ZFHX3: variants seen among roughly 807,000 people sequenced by gnomAD.
ZFHX3 encodes zinc finger homeobox protein 3.
ZFHX3 carries 42 observed loss-of-function variants against 279.1 expected under a neutral mutation model. The observed-to-expected ratio is 0.15, with a 90% confidence interval of 0.12 to 0.19. ZFHX3 has a LOEUF of 0.19. ZFHX3 is among the 10% of genes least tolerant of loss of function. The pLI is 1.00. For synonymous variants in ZFHX3, 2,293 were observed against 1,957.8 expected, an observed-to-expected ratio of 1.17 and a Z score of -4.52; for missense variants, 4,981 against 4,754.0, an observed-to-expected ratio of 1.05 and a Z score of -1.40.
At chr16:73,491,162 C>T (rs2019050892) in intron 2 of ZFHX3, among the ~76,000 whole-genome samples, 1 of 152,178 alleles carries the variant, frequency 6.6e-6, no homozygotes, top group Non-Finnish European at 1.5e-5. Flanking sequence ...CTTGACATAT[C>T]ACATCCACAC....
chr16:73,484,512 G>T (rs531422432), intron 2 of ZFHX3, among the ~76,000 whole-genome samples: 1 of 152,272 alleles, frequency 6.6e-6, no homozygotes, highest in African/African-American at 2.4e-5. Flanking sequence ...ATCAGATGAC[G>T]CTATGATGAG....
intron 1 of ZFHX3, among the ~76,000 whole-genome samples, chr16:73,729,538 CAAAAAACAAACAAACCAAAA>C (rs1437326082): frequency 1.3e-5 from 1 of 77,464 alleles, no homozygotes. Flanking sequence ...CAAAAACAAA[CAAAAAACAAACAAACCAAAA>C]AAAAAAAAAA....
chr16:73,747,924 T>A (rs1482883311), intron 1 of ZFHX3, among the ~76,000 whole-genome samples: 1 of 152,192 alleles, frequency 6.6e-6, no homozygotes, highest in Non-Finnish European at 1.5e-5. Flanking sequence ...GAATCAAAGA[T>A]CTATACCCTC....
intron 4 of ZFHX3, among the ~76,000 whole-genome samples, chr16:73,295,768 A>G (rs1162863417): frequency 6.6e-6 from 1 of 152,170 alleles, no homozygotes; most frequent in Non-Finnish European, 1.5e-5. Context: ...CACTTTGTCA[A>G]GGGACTGGGG....
intron 5 of ZFHX3, among the ~76,000 whole-genome samples, chr16:73,250,690 C>G (rs1027313821): frequency 6.7e-6 from 1 of 149,478 alleles, no homozygotes; most frequent in African/African-American, 2.5e-5. Flanking sequence ...CCCGCCACCA[C>G]GTCTGGCTAA....
At chr16:73,463,892 C>A (rs2018515426) in intron 2 of ZFHX3, among the ~76,000 whole-genome samples, 1 of 152,234 alleles carries the variant, frequency 6.6e-6, no homozygotes, top group Non-Finnish European at 1.5e-5. Context: ...GAGAAATTAC[C>A]TTTCTTGTTC....
intron 1 of ZFHX3, among the ~76,000 whole-genome samples, chr16:73,006,635 A>G (rs1597082657): frequency 6.6e-6 from 1 of 151,002 alleles, no homozygotes; most frequent in African/African-American, 2.4e-5. Context: ...AGAAAAGAAA[A>G]AAAAGAAAGA....
chr16:72,789,241 T>C (rs535534065), intron 9 of ZFHX3: 9 of 171,816 alleles, frequency 5.2e-5, no homozygotes, highest in Non-Finnish European at 9.8e-5. Context: ...CTAATGAAGA[T>C]TCAGTCCTGG....
At chr16:73,653,546 G>C (rs1438086409) in intron 2 of ZFHX3, among the ~76,000 whole-genome samples, 2 of 151,730 alleles carry the variant, frequency 1.3e-5, no homozygotes, top group African/African-American at 4.9e-5. Flanking sequence ...GCATGGTAAT[G>C]AAATACACTA....
intron 2 of ZFHX3, among the ~76,000 whole-genome samples, chr16:73,589,507 GGAT>G (rs1164558916): frequency 6.7e-6 from 1 of 150,298 alleles, no homozygotes; most frequent in Non-Finnish European, 1.5e-5. Flanking sequence ...TGTGGTGGGT[GGAT>G]CACAAGGTCA....
intron 3 of ZFHX3, among the ~76,000 whole-genome samples, chr16:73,408,686 C>A (rs374374827): frequency 6.6e-5 from 10 of 152,096 alleles, no homozygotes; most frequent in African/African-American, 2.4e-4. Flanking sequence ...GTCAGGACAG[C>A]GGTGGCCTGG....
chr16:73,760,870 T>C (rs753463610), intron 1 of ZFHX3, among the ~76,000 whole-genome samples: 1 of 151,786 alleles, frequency 6.6e-6, no homozygotes, highest in African/African-American at 2.4e-5. Flanking sequence ...GCCAATATCA[T>C]ACTAAATGGG....
chr16:72,903,935 C>T (rs1003755971), intron 3 of ZFHX3, among the ~76,000 whole-genome samples: 10 of 152,236 alleles, frequency 6.6e-5, no homozygotes, highest in Admixed American at 3.3e-4. Flanking sequence ...CTGGGCCCTT[C>T]AGCCCACTGG....
intron 5 of ZFHX3, among the ~76,000 whole-genome samples, chr16:73,207,837 T>G (rs944032141): frequency 2.6e-5 from 4 of 151,688 alleles, no homozygotes; most frequent in African/African-American, 9.7e-5. Flanking sequence ...AGAAGTGAAA[T>G]AGCCACTCTA....
At chr16:73,849,907 A>G (rs1158072930) in intron 1 of ZFHX3, among the ~76,000 whole-genome samples, 1 of 152,010 alleles carries the variant, frequency 6.6e-6, no homozygotes, top group Non-Finnish European at 1.5e-5. Context: ...TAATTTTTGT[A>G]TTTTTAGTAG....
chr16:73,677,913 C>T (rs754815005), intron 2 of ZFHX3, among the ~76,000 whole-genome samples: 9 of 151,986 alleles, frequency 5.9e-5, no homozygotes, highest in Middle Eastern at 3.4e-3. Context: ...AGAAAATTTA[C>T]CCATAAATAG....
At chr16:73,390,397 C>G (rs992602798) in intron 3 of ZFHX3, among the ~76,000 whole-genome samples, 9 of 152,154 alleles carry the variant, frequency 5.9e-5, no homozygotes, top group African/African-American at 2.2e-4. Context: ...TCTGGAGCAG[C>G]AGGCACAGGC....
At chr16:73,804,915 G>GAGA (rs1213343893) in intron 1 of ZFHX3, among the ~76,000 whole-genome samples, 1 of 119,094 alleles carries the variant, frequency 8.4e-6, no homozygotes, top group African/African-American at 4.0e-5. Flanking sequence ...GGGAGGGAGG[G>GAGA]GAGGGAGAGG....
chr16:73,873,268 T>TGGTGGTG (rs1325282900), intron 1 of ZFHX3, among the ~76,000 whole-genome samples: 1 of 17,662 alleles, frequency 5.7e-5, no homozygotes. Context: ...TGGATGGTGG[T>TGGTGGTG]GGTGGTGGGT....
Sources: allele counts gnomAD v4.1 joint callset (sites outside exome capture counted in the v4.1 genomes callset), GRCh38; gene constraint gnomAD v4.1.1; transcripts MANE v1.5; gene names NCBI Gene and HGNC (gene_info 2026-07-23, HGNC 2026-07-21).